Variants in LEPR observed in about 807,000 individuals in gnomAD.
The protein encoded by LEPR is leptin receptor, also known as OB receptor.
A neutral mutation model predicts 114.7 loss-of-function variants in LEPR; 56 were observed. The observed-to-expected ratio is 0.49, with a 90% CI of 0.39 to 0.61. The LOEUF (loss-of-function observed/expected upper bound fraction) is 0.61, where lower values mean the gene tolerates loss of function less well. LEPR is among the 20% of genes least tolerant of loss of function. The pLI is 0.00. For missense variants in LEPR, 1,202 were observed against 1,352.9 expected (o/e 0.89, Z 1.75); for synonymous variants, 443 against 461.4 (o/e 0.96, Z 0.51).
At position 65,487,202 on chromosome 1, in the gene LEPR, AT is replaced by A. The variant is rs1007203996; in HGVS notation, c.-21+61825del. Among the ~76,000 whole-genome samples, 42 of 152,132 alleles carry A rather than the reference AT, an allele frequency of 2.8e-4. 1 individual carries two copies. Among genetic ancestry groups the A allele is most frequent in the African/African-American group, 9.9e-4 (41 of 41,446 alleles). ...ACTACTGTATGTGAATGGACTTTTTATAGTTTTTACTATTTGTCTGTCAGTT... is the reference window on the plus strand; with the variant it reads ...ACTACTGTATGTGAATGGACTTTTTAAGTTTTTACTATTTGTCTGTCAGTT... On this transcript the variant is annotated intron_variant, in intron 2 of 19. Coordinates refer to ENST00000349533, the MANE Select transcript of LEPR (RefSeq NM_002303.6).
intron 2 of LEPR, chr1:65,435,951 A>G: frequency 1.0e-6 from 1 of 985,318 alleles, no homozygotes; most frequent in Non-Finnish European, 1.2e-6. Context: ...ATGTAACCCC[A>G]AATGTGATGT....
intron 11 of LEPR, among the ~76,000 whole-genome samples, chr1:65,606,761 A>G (rs2100955365): frequency 6.6e-6 from 1 of 152,206 alleles, no homozygotes; most frequent in East Asian, 1.9e-4. Flanking sequence ...ACAAGAAATT[A>G]TCAAGAGGTG....
At chr1:65,492,487 C>T (rs921502141) in intron 2 of LEPR, among the ~76,000 whole-genome samples, 2 of 152,014 alleles carry the variant, frequency 1.3e-5, no homozygotes, top group African/African-American at 2.4e-5. Flanking sequence ...ATGTTGGGTA[C>T]AATCTTCTTA....
intron 2 of LEPR, among the ~76,000 whole-genome samples, chr1:65,529,283 G>C (rs1650207661): frequency 6.6e-6 from 1 of 151,976 alleles, no homozygotes; most frequent in Non-Finnish European, 1.5e-5. Flanking sequence ...CATTTTCGGA[G>C]GCTGAGACGG....
At chr1:65,490,193 C>T (rs1293623576) in intron 2 of LEPR, among the ~76,000 whole-genome samples, 1 of 152,036 alleles carries the variant, frequency 6.6e-6, no homozygotes, top group Admixed American at 6.6e-5. Flanking sequence ...AGTAAATATC[C>T]AATAGGTCAT....
intron 2 of LEPR, among the ~76,000 whole-genome samples, chr1:65,502,424 C>A (rs903657474): frequency 6.9e-6 from 1 of 145,880 alleles, no homozygotes; most frequent in Non-Finnish European, 1.5e-5. Context: ...TTAAGCCACC[C>A]AGACTGGCAT....
intron 11 of LEPR, 138 bp downstream of exon 11, chr1:65,605,375 G>A (rs1427253061): frequency 4.7e-6 from 5 of 1,056,434 alleles, no homozygotes; most frequent in Non-Finnish European, 7.1e-6. Flanking sequence ...CAGTGGTATT[G>A]AGAAAATCAG....
At chr1:65,443,952 T>C (rs1442492606) in intron 2 of LEPR, among the ~76,000 whole-genome samples, 1 of 80,586 alleles carries the variant, frequency 1.2e-5, no homozygotes, top group Non-Finnish European at 2.9e-5. Flanking sequence ...GACCTGATAC[T>C]TTTTTTTTTT....
At chr1:65,525,348 G>T (rs1649861945) in intron 2 of LEPR, among the ~76,000 whole-genome samples, 2 of 152,156 alleles carry the variant, frequency 1.3e-5, no homozygotes, top group African/African-American at 4.8e-5. Context: ...GGGGTGGGGG[G>T]GTACTGCCAG....
At chr1:65,635,059 TTTTAC>T in intron 19 of LEPR, 1 of 873,220 alleles carries the variant, frequency 1.1e-6, no homozygotes, top group Non-Finnish European at 1.4e-6. Flanking sequence ...CACTAACATA[TTTTAC>T]TTAAGAGTAT....
chr1:65,520,616 G>A (rs534807637), intron 2 of LEPR, among the ~76,000 whole-genome samples: 10 of 152,220 alleles, frequency 6.6e-5, no homozygotes, highest in African/African-American at 1.4e-4. Context: ...ACCCAGCGGC[G>A]CTAGAAGAAT....
intron 2 of LEPR, among the ~76,000 whole-genome samples, chr1:65,520,282 C>T (rs564182871): frequency 6.6e-6 from 1 of 152,318 alleles, no homozygotes; most frequent in East Asian, 1.9e-4. Flanking sequence ...AGGAGTGAGC[C>T]ACCATGCCTG....
At chr1:65,552,246 A>C (rs1050787033) in intron 2 of LEPR, among the ~76,000 whole-genome samples, 2 of 152,160 alleles carry the variant, frequency 1.3e-5, no homozygotes, top group Non-Finnish European at 2.9e-5. Flanking sequence ...GCTGAGTTCA[A>C]GTCCTGAATA....
intron 2 of LEPR, among the ~76,000 whole-genome samples, chr1:65,523,103 G>A (rs984020357): frequency 2.0e-5 from 3 of 152,108 alleles, no homozygotes; most frequent in African/African-American, 7.2e-5. Context: ...CTCACTCGGA[G>A]CACAGTATTG....
intron 2 of LEPR, among the ~76,000 whole-genome samples, chr1:65,517,723 C>G (rs1570594829): frequency 6.6e-6 from 1 of 152,172 alleles, no homozygotes; most frequent in African/African-American, 2.4e-5. Context: ...CCCATCAAAT[C>G]CCATCCTATG....
chr1:65,449,437 C>T (rs1250424973), intron 2 of LEPR, among the ~76,000 whole-genome samples: 5 of 152,056 alleles, frequency 3.3e-5, no homozygotes, highest in South Asian at 4.1e-4. Flanking sequence ...GCCTCCCTCT[C>T]GGACCCTGGG....
intron 1 of LEPR, among the ~76,000 whole-genome samples, chr1:65,424,885 C>G (rs1191273561): frequency 6.6e-6 from 1 of 152,178 alleles, no homozygotes; most frequent in African/African-American, 2.4e-5. Context: ...AAAGGTCCAC[C>G]TCCTGATAGC....
chr1:65,590,792 C>A (rs1655642909), intron 5 of LEPR, among the ~76,000 whole-genome samples: 2 of 151,268 alleles, frequency 1.3e-5, no homozygotes, highest in Non-Finnish European at 3.0e-5. Context: ...CTTTCTTGAT[C>A]TTTGTGTATT....
intron 5 of LEPR, among the ~76,000 whole-genome samples, chr1:65,572,850 T>G (rs1654300423): frequency 6.6e-6 from 1 of 152,198 alleles, no homozygotes; most frequent in South Asian, 2.1e-4. Context: ...GCAGCTCTCT[T>G]AGCAGCAGCT....
Sources: gnomAD v4.1 joint callset for allele counts (sites outside exome capture counted in the v4.1 genomes callset) on GRCh38, gnomAD v4.1.1 for gene constraint, MANE v1.5 for transcripts, NCBI Gene and HGNC (gene_info 2026-07-23, HGNC 2026-07-21) for gene names.